Variants in RASGRP3 observed in about 807,000 individuals in gnomAD.
RASGRP3 encodes RAS guanyl releasing protein 3.
A neutral mutation model predicts 82.7 loss-of-function variants in RASGRP3; 54 were observed. That is an observed-to-expected ratio of 0.65 (90% CI 0.52 to 0.82). The LOEUF is 0.82. Ranked by LOEUF, RASGRP3 falls within the 40% of genes least tolerant of loss-of-function variation. RASGRP3 has a pLI of 0.00. For synonymous variants in RASGRP3, 309 were observed against 300.5 expected (o/e 1.03, Z -0.29); for missense variants, 861 against 828.9 (o/e 1.04, Z -0.48).
chr2:33,442,386 G>A (rs143194154), intron 1 of RASGRP3, among the ~76,000 whole-genome samples: 83 of 152,258 alleles, frequency 5.5e-4, no homozygotes, highest in African/African-American at 1.9e-3. Flanking sequence ...CTGGTTGGTG[G>A]GATAATGGTG....
At chr2:33,507,145 C>T (rs755820311) in intron 1 of RASGRP3, among the ~76,000 whole-genome samples, 8 of 152,146 alleles carry the variant, frequency 5.3e-5, no homozygotes, top group Non-Finnish European at 7.3e-5. Context: ...CATGTAATTC[C>T]AGCACTTTGG....
chr2:33,494,564 C>A (rs1030939891), intron 1 of RASGRP3, among the ~76,000 whole-genome samples: 1 of 152,166 alleles, frequency 6.6e-6, no homozygotes, highest in East Asian at 1.9e-4. Context: ...GTCAACAAAT[C>A]CAAACCAACC....
At chr2:33,549,366 G>GCACA (rs376284864) in intron 13 of RASGRP3, among the ~76,000 whole-genome samples, 5 of 151,110 alleles carry the variant, frequency 3.3e-5, no homozygotes, top group African/African-American at 4.9e-5. Flanking sequence ...ATATGCTCCT[G>GCACA]CACACACACA....
At chr2:33,528,173 A>G (rs1238047210) in intron 10 of RASGRP3, among the ~76,000 whole-genome samples, 1 of 152,220 alleles carries the variant, frequency 6.6e-6, no homozygotes. Context: ...TATAGGAGGT[A>G]TCACTCTTTA....
chr2:33,500,412 G>A (rs1051775386), intron 1 of RASGRP3, among the ~76,000 whole-genome samples: 4 of 152,058 alleles, frequency 2.6e-5, no homozygotes, highest in African/African-American at 9.7e-5. Flanking sequence ...ATTGCGGTGG[G>A]CCAGGGGATA....
rs879744839 is a variant in RASGRP3 at position 33,450,818 on chromosome 2, C to CTTTTTTT, written c.-261+2878_-261+2879insTTTTTTT. The stretch of plus-strand genomic sequence containing the variant: ...CTTTTCTTTCTTTTTCTCTTTCTTT[C>CTTTTTTT]TTTCTTTTTTTTTTTTTTTTTTTTT... On this transcript the variant is annotated intron_variant, in intron 2 of 18. Coordinates refer to the RASGRP3 transcript ENST00000402538. 7.5e-3 allele frequency among the ~76,000 whole-genome samples: 324 copies of CTTTTTTT among 43,302 alleles called. 39 individuals carry two copies. Among genetic ancestry groups the CTTTTTTT allele is most frequent in the Non-Finnish European group, 0.01 (219 of 21,588 alleles). The allele number at this position is 43,302 out of a possible 152,430, so 28.4% of individuals were successfully genotyped here.
At chr2:33,494,687 G>A (rs554114347) in intron 1 of RASGRP3, among the ~76,000 whole-genome samples, 4 of 152,266 alleles carry the variant, frequency 2.6e-5, no homozygotes, top group South Asian at 4.1e-4. Flanking sequence ...GTAGCCCAAC[G>A]TACATTCTAG....
upstream of RASGRP3, among the ~76,000 whole-genome samples, chr2:33,474,785 GA>G (rs1667259428): frequency 1.3e-5 from 2 of 152,160 alleles, no homozygotes; most frequent in South Asian, 4.1e-4. Flanking sequence ...GCAGAACCAT[GA>G]ACCAATTAAA....
At chr2:33,446,305 C>T (rs777602084) in intron 1 of RASGRP3, among the ~76,000 whole-genome samples, 4 of 152,092 alleles carry the variant, frequency 2.6e-5, no homozygotes, top group Non-Finnish European at 4.4e-5. Flanking sequence ...TACAGGCACC[C>T]GCCACCACGC....
rs147822540 is a variant in RASGRP3 at position 33,555,679 on chromosome 2, T to C, written c.1579+112T>C. 2,316 of 960,440 alleles carry C rather than the reference T, an allele frequency of 2.4e-3. 7 individuals carry two copies. The highest frequency in any genetic ancestry group is 4.3e-3 in the Admixed American group (203 of 46,828). 59.5% of individuals were successfully genotyped at this position (960,440 alleles called of 1,614,324 possible). A position where few individuals can be genotyped will look rare whatever the true frequency, so the allele number is the denominator to read the frequency against. On this transcript the variant is annotated intron_variant, in intron 15 of 17. Transcript: ENST00000403687. Reference sequence around the variant, plus strand: ...TGCCATTATTCGGAATTTCAGTCTTTTGGGTCAACGGCAACTGAGAATGAT... The same window carrying C: ...TGCCATTATTCGGAATTTCAGTCTTCTGGGTCAACGGCAACTGAGAATGAT...
intron 14 of RASGRP3, chr2:33,555,235 T>C: frequency 4.1e-6 from 1 of 244,062 alleles, no homozygotes; most frequent in Middle Eastern, 1.3e-3. Flanking sequence ...ATCTCCTCTG[T>C]ACATTTTGCT....
chr2:33,511,989 C>A (rs1670969839), intron 2 of RASGRP3, 147 bp downstream of exon 2: 1 of 152,256 alleles, frequency 6.6e-6, no homozygotes, highest in African/African-American at 2.4e-5. Flanking sequence ...CCTTAATGTC[C>A]TGTTTTAAAT....
intron 12 of RASGRP3, among the ~76,000 whole-genome samples, chr2:33,541,188 A>G (rs563876818): frequency 6.8e-6 from 1 of 147,452 alleles, no homozygotes; most frequent in East Asian, 1.9e-4. Context: ...TTCTCTGATT[A>G]TAAAGGAAGA....
At chr2:33,545,589 T>C (rs1158452951) in intron 13 of RASGRP3, among the ~76,000 whole-genome samples, 1 of 152,206 alleles carries the variant, frequency 6.6e-6, no homozygotes. Context: ...ATTTATCATA[T>C]ATATAATAAA....
intron 11 of RASGRP3, 149 bp from the exon 12 acceptor site, chr2:33,538,945 G>A (rs1673939493): frequency 1.7e-6 from 1 of 590,798 alleles, no homozygotes; most frequent in African/African-American, 1.9e-5. Context: ...AGGCTGAGGT[G>A]GAAGGATGGC....
At chr2:33,559,577 GT>G (rs1199146147) in intron 17 of RASGRP3, 2 of 518,116 alleles carry the variant, frequency 3.9e-6, no homozygotes, top group Admixed American at 1.9e-5. Flanking sequence ...GCAAAGCAAA[GT>G]AGGATGCAGA....
Position 33,564,535 on chromosome 2 carries a change from T to TA in RASGRP3, c.*1805dup, listed in dbSNP as rs1235094037. The TA allele has an allele frequency of 3.3e-5, 5 of 152,314 alleles. No homozygotes were observed. The highest frequency in any genetic ancestry group is 6.8e-3 in the Middle Eastern group (2 of 294). The allele number at this position is 152,314 out of a possible 1,614,324, so 9.4% of individuals were successfully genotyped here. A position where few individuals can be genotyped will look rare whatever the true frequency, so the allele number is the denominator to read the frequency against. ...AGTACAGAAAAGCTTTTTGTGTGTT[T>TA]AAAAAAATTGAAGAAAATTCAGGAA... On this transcript the variant is annotated 3_prime_UTR_variant, in exon 18 of 18. Coordinates refer to ENST00000403687, the MANE Select transcript of RASGRP3 (RefSeq NM_001139488.2).
chr2:33,537,330 C>CCCCAA (rs66749495), intron 11 of RASGRP3, among the ~76,000 whole-genome samples: 2 of 95,690 alleles, frequency 2.1e-5, no homozygotes, highest in South Asian at 3.2e-4. Context: ...ACCGCCCCCC[C>CCCCAA]CACACACACA....
At chr2:33,437,231 T>C (rs894859013) in intron 1 of RASGRP3, among the ~76,000 whole-genome samples, 6 of 152,200 alleles carry the variant, frequency 3.9e-5, no homozygotes, top group African/African-American at 1.4e-4. Context: ...CATTCGTTCA[T>C]TATGTTTTGA....
Sources: gnomAD v4.1 joint callset for allele counts (sites outside exome capture counted in the v4.1 genomes callset) on GRCh38, gnomAD v4.1.1 for gene constraint, MANE v1.5 for transcripts, NCBI Gene and HGNC (gene_info 2026-07-23, HGNC 2026-07-21) for gene names.